TONSL: variants seen among roughly 807,000 people sequenced by gnomAD.
TONSL encodes tonsoku like, DNA repair protein.
In TONSL, 112 loss-of-function variants were observed where a neutral mutation model predicts 147.1. The observed-to-expected ratio is 0.76, with a 90% CI of 0.65 to 0.89. The LOEUF (loss-of-function observed/expected upper bound fraction) is 0.89, where lower values mean the gene tolerates loss of function less well. TONSL is among the 40% of genes least tolerant of loss of function. The probability of loss-of-function intolerance (pLI) is 0.00; values close to 1 mark genes in which losing one functional copy is unlikely to be tolerated. For synonymous variants in TONSL, 868 were observed against 801.5 expected, an observed-to-expected ratio of 1.08 and a Z score of -1.40; for missense variants, 1,883 against 1,864.6, an observed-to-expected ratio of 1.01 and a Z score of -0.18.
rs757545447 is a variant in TONSL, at chr8:144,435,942, G to A, written c.2491C>T (p.Leu831=). The A allele has an allele frequency of 6.4e-7, 1 of 1,565,878 alleles. No homozygotes were observed. The highest frequency in any genetic ancestry group is 8.7e-7 in the Non-Finnish European group (1 of 1,153,910). The part of the protein sequence containing the change: ...QAALIPEEEC[L]AGDWLELDMP... Reference sequence around the variant, plus strand: ...TCCAGCTCCAGCCAGTCCCCGGCCAGGCACTCCTCCTCCGGGATGAGCGCT... The same window carrying A: ...TCCAGCTCCAGCCAGTCCCCGGCCAAGCACTCCTCCTCCGGGATGAGCGCT... Residue 831 remains leucine, a synonymous_variant, in exon 17 of 26, where the codon CTG becomes TTG. Coordinates refer to ENST00000409379, the MANE Select transcript of TONSL (RefSeq NM_013432.5).
intron 22 of TONSL, chr8:144,433,357 T>G (rs1823298933): frequency 2.1e-6 from 1 of 482,580 alleles, no homozygotes; most frequent in African/African-American, 2.0e-5. Flanking sequence ...ATTACAGGCG[T>G]GAGCCACTGC....
rs997072933 is a variant in TONSL, at chr8:144,435,976, G to A, written c.2457C>T (p.Ala819=). ...CCTCCGGGATGAGCGCTGCCTGGGG[G>A]GCAAGGGCTTTGCTGTGGCCCCGCG... ...GPPRGHSKAL[A]PQAALIPEEE... The change falls in exon 17 of 26, where the codon GCC becomes GCT. Residue 819 remains alanine (A), a synonymous_variant. Transcript: ENST00000409379. The A allele has an allele frequency of 1.3e-6, 2 of 1,555,848 alleles. No homozygotes were observed. The highest frequency in any genetic ancestry group is 2.3e-5 in the South Asian group (2 of 85,132).
chr8:144,429,228 G>GCGT lies in TONSL; in HGVS notation c.4049_4051dup (p.Asp1350dup), dbSNP rs1458500883. The GCGT allele has an allele frequency of 7.2e-6, 11 of 1,536,082 alleles. No homozygotes were observed. The East Asian group carries it at 2.0e-4, about 27-fold the overall frequency. Reference sequence around the variant, plus strand: ...CCGACTGGGCTGCAGCTGGCGCAGGGCGTCCCTGTCCTCAGCGCAGAGGCG... The same window carrying GCGT: ...CCGACTGGGCTGCAGCTGGCGCAGGGCGTCGTCCCTGTCCTCAGCGCAGAGGCG... On this transcript the variant is annotated inframe_insertion, in exon 26 of 26. Transcript: ENST00000409379.
chr8:144,437,807 T>C lies in TONSL; in HGVS notation c.1653+664A>G, dbSNP rs769775968. Reference sequence around the variant, plus strand: ...TTTTAGTAGAGACAGGGTTTCACCATGTTAGCCAGACTGGTCTCAAACTCC... The same window carrying C: ...TTTTAGTAGAGACAGGGTTTCACCACGTTAGCCAGACTGGTCTCAAACTCC... On this transcript the variant is annotated intron_variant, in intron 13 of 25. Transcript: ENST00000409379. The C allele has an allele frequency of 1.3e-3, 206 of 154,914 alleles. 3 individuals carry two copies. Among genetic ancestry groups the C allele is most frequent in the Admixed American group, 2.5e-3 (40 of 15,878 alleles). The allele number at this position is 154,914 out of a possible 1,614,324, so 9.6% of individuals were successfully genotyped here. A position where few individuals can be genotyped will look rare whatever the true frequency, so the allele number is the denominator to read the frequency against.
Position 144,444,188 on chromosome 8 carries a change from G to A in TONSL, c.113C>T (p.Ala38Val). 2 of 1,450,812 alleles carry A rather than the reference G, an allele frequency of 1.4e-6. No homozygotes were observed. The highest frequency in any genetic ancestry group is 2.4e-4 in the Middle Eastern group (1 of 4,178). 89.9% of individuals were successfully genotyped at this position (1,450,812 alleles called of 1,614,324 possible). A position where few individuals can be genotyped will look rare whatever the true frequency, so the allele number is the denominator to read the frequency against. Residue 38 changes from alanine to valine, a missense_variant, in exon 2 of 26, where the codon GCC becomes GTC. Coordinates refer to ENST00000409379, the MANE Select transcript of TONSL (RefSeq NM_013432.5). ...CTGGTCCCGGCGCTCACCATGGCCG[G>A]CCAGGAGCTCCCCCAGCTGGTGGCA... ...ALCHQLGELL[A>V]GHGRYAEALE...
At position 144,444,292 on chromosome 8, in the gene TONSL, A is replaced by C; in HGVS notation, c.26-17T>G. 7.2e-7 allele frequency: 1 copy of C among 1,386,302 alleles called. No individual in the cohort carries two copies. The highest frequency in any genetic ancestry group is 9.4e-7 in the Non-Finnish European group (1 of 1,065,462). The allele number at this position is 1,386,302 out of a possible 1,614,324, so 85.9% of individuals were successfully genotyped here. On this transcript the variant is annotated splice_polypyrimidine_tract_variant and intron_variant, in intron 1 of 25. Transcript: ENST00000409379. ...TGCTCAGCTCTGTGGGAGGAAGAGG[A>C]GGGCTGGGCCTCCGCGGCGGGGTCC... is the stretch of plus-strand genomic sequence containing the variant.
Position 144,435,565 on chromosome 8 carries a change from C to T in TONSL, c.2776-15G>A, listed in dbSNP as rs972222719. The T allele has an allele frequency of 1.9e-5, 30 of 1,558,262 alleles. No homozygotes were observed. The African/African-American group carries it at 3.5e-4, about 18-fold the overall frequency. ...GGGGCCGGACCCTGGCAGGTGAAGG[C>T]AGCAGGGCTGAGTCAGGAGCCACAG... On this transcript the variant is annotated splice_polypyrimidine_tract_variant and intron_variant, in intron 17 of 25. Coordinates refer to ENST00000409379, the MANE Select transcript of TONSL (RefSeq NM_013432.5).
At chr8:144,431,933 A>G (rs1171474115) in intron 23 of TONSL, among the ~76,000 whole-genome samples, 2 of 150,572 alleles carry the variant, frequency 1.3e-5, no homozygotes, top group Non-Finnish European at 3.0e-5. Flanking sequence ...GGTTCAACCA[A>G]TTCTCTGCCT....
intron 25 of TONSL, 64 bp from the exon 26 acceptor site, chr8:144,429,400 C>A (rs1330951866): frequency 1.5e-6 from 2 of 1,339,460 alleles, no homozygotes; most frequent in Non-Finnish European, 1.9e-6. Context: ...GTGCCCGCGG[C>A]AGGCTCCAGG....
Position 144,442,795 on chromosome 8 carries a change from G to T in TONSL, c.460C>A (p.Gln154Lys). ...GTCCTCATCTCATTCAGCTCTCCCTGGGCCAGTGTCCCTGGAAGATACCCC... is the reference window on the plus strand; with the variant it reads ...GTCCTCATCTCATTCAGCTCTCCCTTGGCCAGTGTCCCTGGAAGATACCCC... ...VDEELEGTLA[Q>K]GELNEMRTRL... The change falls in exon 5 of 26, where the codon CAG becomes AAG. Residue 154 changes from glutamine (Q) to lysine (K), a missense_variant. Physicochemically the swap from Gln to Lys is moderately conservative, Grantham distance 53. Coordinates refer to ENST00000409379, the MANE Select transcript of TONSL (RefSeq NM_013432.5). The T allele has an allele frequency of 6.2e-7, 1 of 1,611,868 alleles. No individual in the cohort carries two copies. The highest frequency in any genetic ancestry group is 1.1e-5 in the South Asian group (1 of 90,986).
At chr8:144,437,418 C>T (rs1564731389) in intron 13 of TONSL, among the ~76,000 whole-genome samples, 1 of 152,224 alleles carries the variant, frequency 6.6e-6, no homozygotes, top group African/African-American at 2.4e-5. Context: ...TGGGCTAGCC[C>T]CCATCCTGGC....
At chr8:144,440,563 A>T in intron 9 of TONSL, 87 bp from the exon 10 acceptor site, 2 of 1,525,618 alleles carry the variant, frequency 1.3e-6, no homozygotes, top group Non-Finnish European at 1.8e-6. Context: ...GCCCAGACGA[A>T]ATGGGAGCCC....
rs1554878571 is a variant in TONSL, at chr8:144,431,121, A to G, written c.3766T>C (p.Ser1256Pro). 6.8e-6 allele frequency: 11 copies of G among 1,614,150 alleles called. No individual in the cohort carries two copies. Among genetic ancestry groups the G allele is most frequent in the Non-Finnish European group, 9.3e-6 (11 of 1,180,006 alleles). Reference sequence around the variant, plus strand: ...GCCTTGTCCCCCAGGTGGTTTGCAGACAGGGTCAGGTGGGCTAGAGCACAG... The same window carrying G: ...GCCTTGTCCCCCAGGTGGTTTGCAGGCAGGGTCAGGTGGGCTAGAGCACAG... ...EGCALAHLTL[S>P]ANHLGDKAVR... Residue 1256 changes from serine to proline, a missense_variant, in exon 24 of 26, where the codon TCT (serine) becomes CCT (proline). Coordinates refer to ENST00000409379, the MANE Select transcript of TONSL (RefSeq NM_013432.5).
chr8:144,443,975 C>G lies in TONSL; in HGVS notation c.171G>C (p.Arg57=). Residue 57 remains arginine (R), a synonymous_variant, in exon 3 of 26, where the codon CGG becomes CGC. Coordinates refer to ENST00000409379, the MANE Select transcript of TONSL (RefSeq NM_013432.5). ...AGCCCAGAGGGTCGTCAGCGCGCTC[C>G]CGAAGCTGCAGCTCCTGCCAGTGCT... ...LEQHWQELQL[R]ERADDPLGCA... is the part of the protein sequence containing the mutation. 1 of 1,541,122 alleles carries G rather than the reference C, an allele frequency of 6.5e-7. No homozygotes were observed. Among genetic ancestry groups the G allele is most frequent in the Non-Finnish European group, 8.7e-7 (1 of 1,146,610 alleles).
chr8:144,431,985 G>A (rs1266730542), intron 23 of TONSL, among the ~76,000 whole-genome samples: 3 of 151,682 alleles, frequency 2.0e-5, no homozygotes, highest in African/African-American at 4.8e-5. Context: ...CCGCCACCAC[G>A]CCTGGGTAAT....
In TONSL at chr8:144,442,817, C is replaced by G; in HGVS notation, c.449-11G>C. The G allele has an allele frequency of 6.2e-7, 1 of 1,604,474 alleles. No homozygotes were observed. Among genetic ancestry groups the G allele is most frequent in the South Asian group, 1.1e-5 (1 of 90,306 alleles). On this transcript the variant is annotated splice_polypyrimidine_tract_variant and intron_variant, in intron 4 of 25. Coordinates refer to ENST00000409379, the MANE Select transcript of TONSL (RefSeq NM_013432.5). The stretch of plus-strand genomic sequence containing the variant: ...CCTGGGCCAGTGTCCCTGGAAGATA[C>G]CCCCCCAAACACTCAGCCACTTCCT...
Position 144,441,222 on chromosome 8 carries a change from G to T in TONSL, c.866-111C>A, listed in dbSNP as rs567490029. 3.5e-6 allele frequency: 5 copies of T among 1,433,846 alleles called. No individual in the cohort carries two copies. The East Asian group carries it at 9.8e-5, about 28-fold the overall frequency. The allele number at this position is 1,433,846 out of a possible 1,614,324, so 88.8% of individuals were successfully genotyped here. Reference sequence around the variant, plus strand: ...GCCCCCCCACTCTCTCCACACCTCTGCCTGCCTGTTGGTGTGGGGGTTAAT... The same window carrying T: ...GCCCCCCCACTCTCTCCACACCTCTTCCTGCCTGTTGGTGTGGGGGTTAAT... On this transcript the variant is annotated intron_variant, in intron 7 of 25. Coordinates refer to ENST00000409379, the MANE Select transcript of TONSL (RefSeq NM_013432.5).
chr8:144,429,287 G>A lies in TONSL; in HGVS notation c.3993C>T (p.Ala1331=), dbSNP rs1554878084. 14 of 1,511,106 alleles carry A rather than the reference G, an allele frequency of 9.3e-6. No homozygotes were observed. Among genetic ancestry groups the A allele is most frequent in the South Asian group, 2.4e-5 (2 of 82,046 alleles). The allele number at this position is 1,511,106 out of a possible 1,614,324, so 93.6% of individuals were successfully genotyped here. Residue 1331 remains alanine, a synonymous_variant, in exon 26 of 26, where the codon GCC becomes GCT. Transcript: ENST00000409379. ...PLGLGLWDKI[A]AQLRELQLCS... ...ACAGCTGCAGTTCCCGGAGCTGCGC[G>A]GCTATCTTGTCCCACAGGCCCAGGC...
intron 22 of TONSL, chr8:144,432,661 GC>G (rs1392573270): frequency 1.9e-5 from 10 of 517,130 alleles, no homozygotes; most frequent in South Asian, 6.9e-5. Flanking sequence ...AAGCTCGGCT[GC>G]CCCCAGTTCT....
Sources: gnomAD v4.1 joint callset for allele counts (sites outside exome capture counted in the v4.1 genomes callset) on GRCh38, gnomAD v4.1.1 for gene constraint, MANE v1.5 for transcripts, NCBI Gene and HGNC (gene_info 2026-07-23, HGNC 2026-07-21) for gene names.